PCNT: variants seen among roughly 807,000 people sequenced by gnomAD.
PCNT encodes the protein kendrin.
A neutral mutation model predicts 380.4 loss-of-function variants in PCNT; 319 were observed. The ratio of observed to expected loss-of-function variants is 0.84; its 90% CI spans 0.77 to 0.92. The LOEUF (loss-of-function observed/expected upper bound fraction) is 0.92, where lower values mean the gene tolerates loss of function less well. Ranked by LOEUF, PCNT falls within the 40% of genes least tolerant of loss-of-function variation. The pLI is 0.00. For synonymous variants in PCNT, 1,845 were observed against 1,735.2 expected (o/e 1.06, Z -1.57); for missense variants, 4,400 against 4,255.3 (o/e 1.03, Z -0.95).
Position 46,351,554 on chromosome 21 carries a change from TTGGA to T in PCNT, c.1456+15_1456+18del. 6.9e-7 allele frequency: 1 copy of T among 1,454,612 alleles called. No individual in the cohort carries two copies. Among genetic ancestry groups the T allele is most frequent in the Non-Finnish European group, 9.7e-7 (1 of 1,034,438 alleles). 90.1% of individuals were successfully genotyped at this position (1,454,612 alleles called of 1,614,324 possible). The stretch of plus-strand genomic sequence containing the variant: ...AGGAATTGAGTGGTGAGGAATTGTA[TTGGA>T]AAATTCAGATCCTCAAAAGCTGAAG... On this transcript the variant is annotated intron_variant, in intron 9 of 46. Coordinates refer to ENST00000359568, the MANE Select transcript of PCNT (RefSeq NM_006031.6).
chr21:46,430,966 C>T, intron 37 of PCNT: 1 of 985,412 alleles, frequency 1.0e-6, no homozygotes, highest in Non-Finnish European at 1.2e-6. Context: ...CAGAGCACAG[C>T]CTCAGAGGTC....
At position 46,397,609 on chromosome 21, in the gene PCNT, C is replaced by T. The variant is rs971636525; in HGVS notation, c.4446+115C>T. The stretch of plus-strand genomic sequence containing the variant: ...CAGTAGGATGTTGAAGAGGGCGCCC[C>T]ACACCTGCTGCACAGGTGCACCCAG... On this transcript the variant is annotated intron_variant, in intron 22 of 46. Coordinates refer to ENST00000359568, the MANE Select transcript of PCNT (RefSeq NM_006031.6). 8 of 872,616 alleles carry T rather than the reference C, an allele frequency of 9.2e-6. No individual in the cohort carries two copies. In the African/African-American group the frequency reaches 1.3e-4, roughly 14 times the overall value. The allele number at this position is 872,616 out of a possible 1,614,324, so 54.1% of individuals were successfully genotyped here.
Position 46,359,613 on chromosome 21 carries a change from C to T in PCNT, c.2154+2422C>T, listed in dbSNP as rs1245188275. On this transcript the variant is annotated intron_variant, in intron 13 of 46. Transcript: ENST00000359568. ...AAGCGATTCTGCTGCCTCAGCCTCCCGAGTAGCTGGGACTACAGGCACGTG... is the reference window on the plus strand; with the variant it reads ...AAGCGATTCTGCTGCCTCAGCCTCCTGAGTAGCTGGGACTACAGGCACGTG... Among the ~76,000 whole-genome samples the T allele has an allele frequency of 5.0e-5, 7 of 139,962 alleles. 1 individual carries two copies. The highest frequency in any genetic ancestry group is 1.6e-4 in the African/African-American group (6 of 37,860). 91.8% of individuals were successfully genotyped at this position (139,962 alleles called of 152,430 possible).
chr21:46,418,379 C>G, intron 31 of PCNT, 73 bp downstream of exon 31: 1 of 940,560 alleles, frequency 1.1e-6, no homozygotes, highest in Non-Finnish European at 1.7e-6. Flanking sequence ...AAAAGAATTC[C>G]TGCATCCTTT....
In PCNT at chr21:46,349,016, T is replaced by G. The variant is rs544566057; in HGVS notation, c.1037T>G (p.Leu346Arg). 1 of 1,575,192 alleles carries G rather than the reference T, an allele frequency of 6.3e-7. No individual in the cohort carries two copies. The highest frequency in any genetic ancestry group is 1.1e-5 in the South Asian group (1 of 90,114). Residue 346 changes from leucine (L) to arginine (R), a missense_variant, in exon 7 of 47, where the codon CTG becomes CGG. By Grantham distance (102) the Leu-to-Arg change is moderately radical. Transcript: ENST00000359568. ...TTTTTTTTTCTTTTAAATTAGACCCTGAAGGAAGATTGGGAATCTGAAAAA... is the reference window on the plus strand; with the variant it reads ...TTTTTTTTTCTTTTAAATTAGACCCGGAAGGAAGATTGGGAATCTGAAAAA... The part of the protein sequence containing the change: ...MEKNAQIVKT[L>R]KEDWESEKDL...
intron 32 of PCNT, among the ~76,000 whole-genome samples, chr21:46,424,990 G>A (rs758292690): frequency 1.6e-4 from 24 of 152,064 alleles, no homozygotes; most frequent in Non-Finnish European, 2.8e-4. Flanking sequence ...AGTCACACCC[G>A]TCGTAGGCTT....
chr21:46,436,842 C>G, intron 39 of PCNT, 137 bp from the exon 40 acceptor site: 2 of 724,570 alleles, frequency 2.8e-6, no homozygotes, highest in South Asian at 3.0e-5. Context: ...CTCTGCCTCA[C>G]GGCTGGACGA....
chr21:46,420,111 T>C (rs2087188955), intron 31 of PCNT, among the ~76,000 whole-genome samples: 1 of 151,648 alleles, frequency 6.6e-6, no homozygotes, highest in South Asian at 2.1e-4. Context: ...TTGAGGGGCC[T>C]GCGCGGTCAG....
rs2085541694 is a variant in PCNT, at chr21:46,381,560, G to C, written c.3166-134G>C. 7.5e-6 allele frequency: 6 copies of C among 802,572 alleles called. No homozygotes were observed. The East Asian group carries it at 1.5e-4, about 20-fold the overall frequency. The allele number at this position is 802,572 out of a possible 1,614,324, so 49.7% of individuals were successfully genotyped here. A position where few individuals can be genotyped will look rare whatever the true frequency, so the allele number is the denominator to read the frequency against. On this transcript the variant is annotated intron_variant, in intron 15 of 46. Transcript: ENST00000359568. ...CATGTTTTCTTTGATGGGGGCTGTG[G>C]TCTGGCTCATCCCGGCTCTTGGTGC...
chr21:46,346,696 C>CT (rs764805921), intron 4 of PCNT, 47 bp from the exon 5 acceptor site: 27 of 1,571,468 alleles, frequency 1.7e-5, no homozygotes, highest in Non-Finnish European at 2.2e-5. Context: ...CTGATGCGCC[C>CT]TGGTTCTGAC....
intron 10 of PCNT, among the ~76,000 whole-genome samples, chr21:46,353,590 A>ATG (rs144229716): frequency 2.7e-5 from 4 of 150,754 alleles, no homozygotes; most frequent in Non-Finnish European, 3.0e-5. Flanking sequence ...GTAGGCCAGC[A>ATG]TGTGTGTGTG....
chr21:46,431,923 A>G lies in PCNT; in HGVS notation c.8459A>G (p.Gln2820Arg). 6.2e-7 allele frequency: 1 copy of G among 1,614,136 alleles called. No individual in the cohort carries two copies. Among genetic ancestry groups the G allele is most frequent in the Non-Finnish European group, 8.5e-7 (1 of 1,180,054 alleles). The change falls in exon 38 of 47, where the codon CAG (glutamine) becomes CGG (arginine). Residue 2820 changes from glutamine to arginine, a missense_variant. Coordinates refer to ENST00000359568, the MANE Select transcript of PCNT (RefSeq NM_006031.6). The stretch of plus-strand genomic sequence containing the variant: ...CAGCAGCAAGCCCTGCATTCTCAGC[A>G]GCAGCTTGAGGCTGAGGCTCAGAAG... ...KVQQQALHSQQQLEAEAQKHC... is the reference protein window; with the variant it reads ...KVQQQALHSQRQLEAEAQKHC...
rs1385528714 is a variant in PCNT, at chr21:46,432,318, AC to A, written c.8751+105del. ...CGCGAGATTTATGTCTGGCCCTCTG[AC>A]CTGGTCTGCTCTGGTCTGTGTGCCC... On this transcript the variant is annotated intron_variant, in intron 38 of 46. Transcript: ENST00000359568. 7.0e-5 allele frequency: 80 copies of A among 1,134,976 alleles called. No individual in the cohort carries two copies. In the Middle Eastern group the frequency reaches 2.0e-3, roughly 28 times the overall value. 70.3% of individuals were successfully genotyped at this position (1,134,976 alleles called of 1,614,324 possible). A position where few individuals can be genotyped will look rare whatever the true frequency, so the allele number is the denominator to read the frequency against.
chr21:46,379,999 A>G (rs1008102238), intron 15 of PCNT, among the ~76,000 whole-genome samples: 1 of 152,174 alleles, frequency 6.6e-6, no homozygotes, highest in African/African-American at 2.4e-5. Context: ...AGAGCTTTCC[A>G]GAGGCCCCTG....
intron 25 of PCNT, 102 bp from the exon 26 acceptor site, chr21:46,401,449 G>A: frequency 1.0e-6 from 1 of 971,340 alleles, no homozygotes; most frequent in Non-Finnish European, 1.6e-6. Flanking sequence ...CACCTGCTCT[G>A]CTTCAGGTGC....
chr21:46,347,148 G>A, intron 5 of PCNT, 150 bp downstream of exon 5: 2 of 1,066,712 alleles, frequency 1.9e-6, no homozygotes, highest in Non-Finnish European at 2.7e-6. Context: ...GGCACCATGA[G>A]AGGGGTGAAC....
At chr21:46,417,206 T>TTTA (rs1443769291) in intron 30 of PCNT, among the ~76,000 whole-genome samples, 1 of 133,328 alleles carries the variant, frequency 7.5e-6, no homozygotes, top group Non-Finnish European at 1.6e-5. Context: ...TTTTTTTTTT[T>TTTA]TTTGTGAGAT....
intron 35 of PCNT, 151 bp from the exon 36 acceptor site, chr21:46,429,859 C>A: frequency 1.5e-6 from 1 of 658,122 alleles, no homozygotes; most frequent in Non-Finnish European, 2.7e-6. Flanking sequence ...ATCCTGGTTC[C>A]ACCCGCAGTG....
intron 29 of PCNT, among the ~76,000 whole-genome samples, chr21:46,413,310 GCACGAGGCCCACCCGGGAGAGGCTGGACA>G (rs2086871997): frequency 9.5e-6 from 1 of 105,614 alleles, no homozygotes. Context: ...AACGGGGAAG[GCACGAGGCCCACCCGGGAGAGGCTGGACA>G]CGCGGCAGCA....
Sources: allele counts gnomAD v4.1 joint callset (sites outside exome capture counted in the v4.1 genomes callset), GRCh38; gene constraint gnomAD v4.1.1; transcripts MANE v1.5; gene names NCBI Gene and HGNC (gene_info 2026-07-23, HGNC 2026-07-21).